KCTD8: variants seen among roughly 807,000 people sequenced by gnomAD.
KCTD8 encodes the protein potassium channel tetramerization domain containing 8, also known as BTB/POZ domain-containing protein KCTD8.
Under a neutral mutation model 31.5 loss-of-function variants are expected in KCTD8, and 27 were observed. That is an observed-to-expected ratio of 0.86 (90% CI 0.63 to 1.18). KCTD8 has a LOEUF of 1.18. KCTD8 is among the 50% of genes most tolerant of loss of function. The pLI is 0.00. For missense variants in KCTD8, 658 were observed against 647.7 expected, an observed-to-expected ratio of 1.02 and a Z score of -0.17; for synonymous variants, 290 against 280.0, an observed-to-expected ratio of 1.04 and a Z score of -0.36.
chr4:44,218,044 C>G (rs543936950), intron 1 of KCTD8, among the ~76,000 whole-genome samples: 3 of 151,844 alleles, frequency 2.0e-5, no homozygotes, highest in African/African-American at 7.3e-5. Flanking sequence ...TCTGCAGGAC[C>G]CTGACTAACA....
chr4:44,400,933 C>T (rs895644892), intron 1 of KCTD8, among the ~76,000 whole-genome samples: 1 of 151,432 alleles, frequency 6.6e-6, no homozygotes, highest in Non-Finnish European at 1.5e-5. Context: ...AACTCCTGGG[C>T]TCAAGCAATC....
At chr4:44,235,551 ATATATATATATATATATATATATATT>A (rs1248727780) in intron 1 of KCTD8, among the ~76,000 whole-genome samples, 3 of 88,842 alleles carry the variant, frequency 3.4e-5, no homozygotes, top group Admixed American at 1.1e-4. Flanking sequence ...ATATATATAT[ATATATATATATATATATATATATATT>A]TAGAGAGAGA....
Position 44,349,071 on chromosome 4 carries a change from G to GCCACCA in KCTD8, c.961+98486_961+98491dup, listed in dbSNP as rs200999276. Among the ~76,000 whole-genome samples the GCCACCA allele has an allele frequency of 1.6e-3, 221 of 136,766 alleles. 2 individuals are homozygous for GCCACCA. The highest frequency in any genetic ancestry group is 5.4e-3 in the South Asian group (24 of 4,406). 89.7% of individuals were successfully genotyped at this position (136,766 alleles called of 152,430 possible). ...TAGTAGCACCACCATCGCTGCCACC[G>GCCACCA]CCACCACCACCACCACCACCACCAC... On this transcript the variant is annotated intron_variant, in intron 1 of 1. Coordinates refer to ENST00000360029, the MANE Select transcript of KCTD8 (RefSeq NM_198353.3).
At chr4:44,267,072 C>T (rs999885804) in intron 1 of KCTD8, among the ~76,000 whole-genome samples, 2 of 152,122 alleles carry the variant, frequency 1.3e-5, no homozygotes, top group African/African-American at 4.8e-5. Context: ...ACTCTCCACC[C>T]CAAATCAACA....
chr4:44,299,722 G>C (rs549993498), intron 1 of KCTD8, among the ~76,000 whole-genome samples: 1 of 146,252 alleles, frequency 6.8e-6, no homozygotes, highest in African/African-American at 2.5e-5. Context: ...GTGAGACTCC[G>C]TCTCAAAAAA....
At chr4:44,313,217 T>A (rs1048147441) in intron 1 of KCTD8, among the ~76,000 whole-genome samples, 1 of 152,136 alleles carries the variant, frequency 6.6e-6, no homozygotes, top group African/African-American at 2.4e-5. Flanking sequence ...CTTCTAGTGT[T>A]TTGCCCAAAA....
chr4:44,301,352 A>G (rs1313138672), intron 1 of KCTD8, among the ~76,000 whole-genome samples: 1 of 152,110 alleles, frequency 6.6e-6, no homozygotes, highest in East Asian at 1.9e-4. Context: ...AAGTGTTCCT[A>G]GTTCTCCACA....
intron 1 of KCTD8, among the ~76,000 whole-genome samples, chr4:44,402,662 C>T (rs1720693488): frequency 6.6e-6 from 1 of 152,100 alleles, no homozygotes; most frequent in Admixed American, 6.6e-5. Context: ...AGAAAATTTG[C>T]AAACGTATTT....
At chr4:44,214,782 T>C (rs911402194) in intron 1 of KCTD8, among the ~76,000 whole-genome samples, 7 of 152,190 alleles carry the variant, frequency 4.6e-5, no homozygotes, top group Admixed American at 4.6e-4. Flanking sequence ...ACTGCCTTCC[T>C]GCCTGAAGAC....
intron 1 of KCTD8, among the ~76,000 whole-genome samples, chr4:44,234,825 A>C (rs1715227880): frequency 6.6e-6 from 1 of 152,174 alleles, no homozygotes; most frequent in South Asian, 2.1e-4. Flanking sequence ...AAACTTAACT[A>C]CTGAAATTAT....
chr4:44,205,551 T>C (rs996388248), intron 1 of KCTD8, among the ~76,000 whole-genome samples: 1 of 152,196 alleles, frequency 6.6e-6, no homozygotes, highest in Non-Finnish European at 1.5e-5. Context: ...AAAATAATTT[T>C]TTTGCTGTTT....
At position 44,174,873 on chromosome 4, in the gene KCTD8, A is replaced by T. The variant is rs1356186315; in HGVS notation, c.1339T>A (p.Phe447Ile). Residue 447 changes from phenylalanine to isoleucine, a missense_variant, in exon 2 of 2, where the codon TTT (phenylalanine) becomes ATT (isoleucine). Physicochemically the swap from Phe to Ile is conservative, Grantham distance 21. Transcript: ENST00000360029. ...TAATCTGGAATGTGGATTTTTTTAA[A>T]ATCCTGAATACACTTTTTCATTTCT... Reference protein sequence around the residue: ...EEEMKKCIQDFKKIHIPDYFP... With the variant: ...EEEMKKCIQDIKKIHIPDYFP... 1.9e-6 allele frequency: 3 copies of T among 1,613,726 alleles called. No homozygotes were observed. The Admixed American group carries it at 5.0e-5, about 27-fold the overall frequency.
intron 1 of KCTD8, among the ~76,000 whole-genome samples, chr4:44,257,410 A>T (rs1374044429): frequency 6.6e-6 from 1 of 151,996 alleles, no homozygotes. Context: ...TAAAAGACTG[A>T]ATTGTTCTCT....
At chr4:44,332,466 G>A (rs1022791994) in intron 1 of KCTD8, among the ~76,000 whole-genome samples, 2 of 151,844 alleles carry the variant, frequency 1.3e-5, no homozygotes, top group East Asian at 1.9e-4. Context: ...TACACAAAAA[G>A]GAATGAAATA....
At chr4:44,236,743 C>T (rs1289265716) in intron 1 of KCTD8, among the ~76,000 whole-genome samples, 1 of 152,140 alleles carries the variant, frequency 6.6e-6, no homozygotes, top group Non-Finnish European at 1.5e-5. Context: ...AACAGAATGA[C>T]ATGGTTTGGC....
intron 1 of KCTD8, among the ~76,000 whole-genome samples, chr4:44,425,904 G>A (rs1721333616): frequency 6.6e-6 from 1 of 151,854 alleles, no homozygotes; most frequent in Non-Finnish European, 1.5e-5. Flanking sequence ...TGTCTTGCAA[G>A]AGTCATTGTC....
At chr4:44,190,649 C>T (rs910313299) in intron 1 of KCTD8, among the ~76,000 whole-genome samples, 1 of 152,134 alleles carries the variant, frequency 6.6e-6, no homozygotes, top group African/African-American at 2.4e-5. Context: ...TGGAATACTT[C>T]AAACTGTTCA....
intron 1 of KCTD8, among the ~76,000 whole-genome samples, chr4:44,299,468 C>T (rs1052894309): frequency 2.6e-5 from 4 of 152,130 alleles, no homozygotes; most frequent in Admixed American, 2.6e-4. Context: ...CGGTGGCTCA[C>T]GCCTGTAATC....
At chr4:44,175,356 A>G (rs1453254221) in intron 1 of KCTD8, 106 bp from the exon 2 acceptor site, 3 of 692,814 alleles carry the variant, frequency 4.3e-6, no homozygotes, top group Non-Finnish European at 6.8e-6. Context: ...AAGAACATTT[A>G]TTTTAACAAA....
Sources: gnomAD v4.1 joint callset for allele counts (sites outside exome capture counted in the v4.1 genomes callset) on GRCh38, gnomAD v4.1.1 for gene constraint, MANE v1.5 for transcripts, NCBI Gene and HGNC (gene_info 2026-07-23, HGNC 2026-07-21) for gene names.